The following TMEFF1 variants were observed in gnomAD, a reference collection of about 807,000 sequenced individuals.
TMEFF1 encodes tomoregulin-1.
In TMEFF1, 20 loss-of-function variants were observed where a neutral mutation model predicts 47.5. The observed-to-expected ratio is 0.42, with a 90% CI of 0.30 to 0.61. TMEFF1 has a LOEUF of 0.61. Ranked by LOEUF, TMEFF1 falls within the 20% of genes least tolerant of loss-of-function variation. The pLI is 0.19. For synonymous variants in TMEFF1, 162 were observed against 166.3 expected, an observed-to-expected ratio of 0.97 and a Z score of 0.20; for missense variants, 411 against 471.1, an observed-to-expected ratio of 0.87 and a Z score of 1.18.
intron 5 of TMEFF1, among the ~76,000 whole-genome samples, chr9:100,524,785 T>A (rs1451959497): frequency 1.3e-5 from 2 of 152,188 alleles, no homozygotes; most frequent in Non-Finnish European, 2.9e-5. Flanking sequence ...GGGGCACATG[T>A]GCACAACGTG....
At chr9:100,506,921 T>G (rs1484792567) in intron 2 of TMEFF1, among the ~76,000 whole-genome samples, 1 of 152,156 alleles carries the variant, frequency 6.6e-6, no homozygotes, top group Non-Finnish European at 1.5e-5. Flanking sequence ...TATTTTAGTT[T>G]CAAGGGCTAC....
At chr9:100,494,619 G>A (rs1023672482) in intron 1 of TMEFF1, among the ~76,000 whole-genome samples, 3 of 152,100 alleles carry the variant, frequency 2.0e-5, no homozygotes, top group African/African-American at 7.2e-5. Context: ...AAAAAACAGA[G>A]GAAGAATGAA....
chr9:100,473,869 C>T lies in TMEFF1; in HGVS notation c.196+129C>T. On this transcript the variant is annotated intron_variant, in intron 1 of 9. Transcript: ENST00000374879. The surrounding 1 kb of genome is among the most constrained non-coding windows in gnomAD (Gnocchi z 5.4). ...TCCCAGGGGTGGGCCCGAGGGTGAG[C>T]GAGGGCGGAGGGCAGGGCGCGAGCG... The T allele has an allele frequency of 2.6e-6, 3 of 1,169,942 alleles. No individual in the cohort carries two copies. Among genetic ancestry groups the T allele is most frequent in the Non-Finnish European group, 3.3e-6 (3 of 898,602 alleles). 72.5% of individuals were successfully genotyped at this position (1,169,942 alleles called of 1,614,324 possible). A position where few individuals can be genotyped will look rare whatever the true frequency, so the allele number is the denominator to read the frequency against.
intron 1 of TMEFF1, among the ~76,000 whole-genome samples, chr9:100,482,879 T>C (rs1312424439): frequency 4.6e-5 from 7 of 152,198 alleles, no homozygotes. Flanking sequence ...TCTTTTTAAC[T>C]CTTTCCTTGA....
intron 1 of TMEFF1, among the ~76,000 whole-genome samples, chr9:100,497,758 C>T (rs887474475): frequency 5.3e-5 from 8 of 152,070 alleles, no homozygotes; most frequent in Non-Finnish European, 1.2e-4. Context: ...GAGAAATGCT[C>T]CCTTAGATCT....
rs531165576 is a variant in TMEFF1 at position 100,516,869 on chromosome 9, T to C, written c.560+98T>C. 12 of 1,429,440 alleles carry C rather than the reference T, an allele frequency of 8.4e-6. No homozygotes were observed. In the East Asian group the frequency reaches 3.0e-4, roughly 36 times the overall value. The allele number at this position is 1,429,440 out of a possible 1,614,324, so 88.5% of individuals were successfully genotyped here. On this transcript the variant is annotated intron_variant, in intron 5 of 9. Coordinates refer to ENST00000374879, the MANE Select transcript of TMEFF1 (RefSeq NM_003692.5). Reference sequence around the variant, plus strand: ...ATCATTTACCTGGTTCTGTATCTTTTGTGTGTTTTCAAATTTTTTTTTTGT... The same window carrying C: ...ATCATTTACCTGGTTCTGTATCTTTCGTGTGTTTTCAAATTTTTTTTTTGT...
chr9:100,528,425 C>T (rs902511774), intron 5 of TMEFF1, among the ~76,000 whole-genome samples: 10 of 146,202 alleles, frequency 6.8e-5, no homozygotes, highest in African/African-American at 1.6e-4. Context: ...AATCAAGGCT[C>T]GAGAACTACG....
rs1838805248 is a variant in TMEFF1 at position 100,550,129 on chromosome 9, T to C, written c.744T>C (p.Asp248=). ...ACACTAGTTTGTTGGGAAAGAAAGA[T>C]GATGGACTACAATATCGACCAGATG... is the stretch of plus-strand genomic sequence containing the variant. ...TDDTSLLGKK[D]DGLQYRPDVK... Residue 248 remains aspartate (D), a synonymous_variant, in exon 7 of 10, where the codon GAT becomes GAC. Transcript: ENST00000374879. 1 of 1,612,172 alleles carries C rather than the reference T, an allele frequency of 6.2e-7. No individual in the cohort carries two copies. Among genetic ancestry groups the C allele is most frequent in the Non-Finnish European group, 8.5e-7 (1 of 1,179,292 alleles).
At chr9:100,527,194 A>C (rs1274880035) in intron 5 of TMEFF1, among the ~76,000 whole-genome samples, 1 of 151,954 alleles carries the variant, frequency 6.6e-6, no homozygotes, top group Non-Finnish European at 1.5e-5. Context: ...GGATGTGTTC[A>C]TGAATTGTCT....
At chr9:100,575,268 A>T (rs2780960) in intron 9 of TMEFF1, among the ~76,000 whole-genome samples, 56,848 of 151,908 alleles carry the variant, frequency 0.37, 11,209 homozygotes, top group Admixed American at 0.45. Flanking sequence ...AGACTGCATG[A>T]GTCAATTTTT....
intron 5 of TMEFF1, among the ~76,000 whole-genome samples, chr9:100,536,047 T>A (rs1439418039): frequency 1.3e-5 from 2 of 152,232 alleles, no homozygotes; most frequent in Non-Finnish European, 2.9e-5. Flanking sequence ...CAACCTTCTT[T>A]TATTTTGATA....
At chr9:100,484,606 G>T (rs184132269) in intron 1 of TMEFF1, among the ~76,000 whole-genome samples, 1 of 149,200 alleles carries the variant, frequency 6.7e-6, no homozygotes, top group African/African-American at 2.5e-5. Flanking sequence ...GGTGTGAGCC[G>T]CCGCGCCTGG....
intron 5 of TMEFF1, among the ~76,000 whole-genome samples, chr9:100,520,485 A>G (rs1024167912): frequency 1.3e-5 from 2 of 152,248 alleles, no homozygotes; most frequent in Admixed American, 6.5e-5. Context: ...TGTTAAAAAA[A>G]TCTGGCATTT....
Position 100,509,152 on chromosome 9 carries a change from C to T in TMEFF1, c.436+18C>T. On this transcript the variant is annotated intron_variant, in intron 3 of 9. Coordinates refer to ENST00000374879, the MANE Select transcript of TMEFF1 (RefSeq NM_003692.5). Reference sequence around the variant, plus strand: ...CTACTCTGGTATGTATGATATTCTTCTGAATAAATTTTGGAAAATATGGTG... The same window carrying T: ...CTACTCTGGTATGTATGATATTCTTTTGAATAAATTTTGGAAAATATGGTG... The T allele has an allele frequency of 6.9e-7, 1 of 1,459,252 alleles. No homozygotes were observed. Among genetic ancestry groups the T allele is most frequent in the Non-Finnish European group, 9.1e-7 (1 of 1,102,282 alleles). The allele number at this position is 1,459,252 out of a possible 1,614,324, so 90.4% of individuals were successfully genotyped here. A position where few individuals can be genotyped will look rare whatever the true frequency, so the allele number is the denominator to read the frequency against.
At chr9:100,572,138 TTTTA>T (rs1839251868) in intron 8 of TMEFF1, among the ~76,000 whole-genome samples, 1 of 152,156 alleles carries the variant, frequency 6.6e-6, no homozygotes, top group Non-Finnish European at 1.5e-5. Flanking sequence ...ATATACGTAA[TTTTA>T]TTTGTCAATT....
chr9:100,533,337 A>G lies in TMEFF1; in HGVS notation c.561-14407A>G, dbSNP rs761754984. On this transcript the variant is annotated intron_variant, in intron 5 of 9. Transcript: ENST00000374879. ...ATGATTAGTGTACCCTTAAGGTTCT[A>G]TTGCCTTTTTTTTTAGAACTTGATA... 9.6e-4 allele frequency among the ~76,000 whole-genome samples: 146 copies of G among 152,052 alleles called. 1 individual carries two copies. Among genetic ancestry groups the G allele is most frequent in the Non-Finnish European group, 1.9e-3 (128 of 67,994 alleles).
chr9:100,473,672 C>T lies in TMEFF1; in HGVS notation c.128C>T (p.Pro43Leu). ...SLPGSRASNQ[P>L]PGGGGGSGGD... ...CCCGGGAGCCGCGCGTCCAACCAGCCCCCGGGTGGTGGCGGCGGCAGCGGC... is the reference window on the plus strand; with the variant it reads ...CCCGGGAGCCGCGCGTCCAACCAGCTCCCGGGTGGTGGCGGCGGCAGCGGC... The change falls in exon 1 of 10, where the codon CCC (proline) becomes CTC (leucine). Residue 43 changes from proline to leucine, a missense_variant. By Grantham distance (98) the Pro-to-Leu change is moderately conservative (BLOSUM62 -3). Transcript: ENST00000374879. The surrounding 1 kb of genome is among the most constrained non-coding windows in gnomAD (Gnocchi z 5.4). 12 of 1,544,092 alleles carry T rather than the reference C, an allele frequency of 7.8e-6. No individual in the cohort carries two copies. Among genetic ancestry groups the T allele is most frequent in the Non-Finnish European group, 8.7e-6 (10 of 1,144,508 alleles).
At chr9:100,488,588 A>G (rs1837493295) in intron 1 of TMEFF1, among the ~76,000 whole-genome samples, 1 of 152,234 alleles carries the variant, frequency 6.6e-6, no homozygotes, top group Admixed American at 6.5e-5. Flanking sequence ...ATAGTAGCTT[A>G]CACTTAATAG....
intron 7 of TMEFF1, among the ~76,000 whole-genome samples, chr9:100,558,871 T>C (rs1349027230): frequency 2.0e-5 from 3 of 152,070 alleles, no homozygotes; most frequent in African/African-American, 7.2e-5. Context: ...ACACTAAATA[T>C]ATTATCTCAT....
Sources: allele counts gnomAD v4.1 joint callset (sites outside exome capture counted in the v4.1 genomes callset), GRCh38; gene constraint gnomAD v4.1.1; non-coding constraint Gnocchi (gnomAD v3.1); transcripts MANE v1.5; gene names NCBI Gene and HGNC (gene_info 2026-07-23, HGNC 2026-07-21).